The following SECISBP2L variants were observed in gnomAD, a reference collection of about 807,000 sequenced individuals.
SECISBP2L encodes selenocysteine insertion sequence-binding protein 2-like.
In SECISBP2L, 43 loss-of-function variants were observed where a neutral mutation model predicts 114.7. That is an observed-to-expected ratio of 0.38 (90% CI 0.29 to 0.48). The LOEUF is 0.48. Among genes scored for constraint, SECISBP2L ranks in the 20% least tolerant of loss-of-function variants. SECISBP2L has a pLI of 0.98. For synonymous variants in SECISBP2L, 451 were observed against 439.7 expected, an observed-to-expected ratio of 1.03 and a Z score of -0.32; for missense variants, 1,136 against 1,301.1, an observed-to-expected ratio of 0.87 and a Z score of 1.95.
At chr15:49,031,493 T>C (rs941178677) in intron 4 of SECISBP2L, among the ~76,000 whole-genome samples, 1 of 152,208 alleles carries the variant, frequency 6.6e-6, no homozygotes, top group Non-Finnish European at 1.5e-5. Context: ...TTGTATATTA[T>C]ATTAGATCCA....
At chr15:48,993,115 G>A (rs1380677469) in intron 17 of SECISBP2L, among the ~76,000 whole-genome samples, 189 bp from the exon 18 acceptor site, 6 of 151,338 alleles carry the variant, frequency 4.0e-5, no homozygotes, top group Non-Finnish European at 8.9e-5. Flanking sequence ...GTGTGTGTGT[G>A]TGTGTGTGTG....
intron 15 of SECISBP2L, 68 bp from the exon 16 acceptor site, chr15:49,000,055 G>T (rs1902170791): frequency 6.5e-7 from 1 of 1,537,100 alleles, no homozygotes; most frequent in African/African-American, 1.4e-5. Context: ...ACACCCGATA[G>T]CTAAAGCATA....
chr15:49,035,753 C>G (rs1366997108), intron 2 of SECISBP2L, 95 bp from the exon 3 acceptor site: 9 of 1,105,356 alleles, frequency 8.1e-6, no homozygotes, highest in Non-Finnish European at 1.2e-5. Flanking sequence ...AAAGACAAAA[C>G]AGAACAGTGG....
At position 48,990,498 on chromosome 15, in the gene SECISBP2L, T is replaced by TA. The variant is rs1901950315; in HGVS notation, c.*1745dup. 6.6e-6 allele frequency: 1 copy of TA among 152,556 alleles called. No individual in the cohort carries two copies. The highest frequency in any genetic ancestry group is 1.5e-5 in the Non-Finnish European group (1 of 68,030). The allele number at this position is 152,556 out of a possible 1,614,324, so 9.5% of individuals were successfully genotyped here. A position where few individuals can be genotyped will look rare whatever the true frequency, so the allele number is the denominator to read the frequency against. ...AGGAAGTCTATACTGGAGAACAGTT[T>TA]AGACAGGACAGTATAAGAATGTCCC... On this transcript the variant is annotated 3_prime_UTR_variant, in exon 18 of 18. Coordinates refer to ENST00000559471, the MANE Select transcript of SECISBP2L (RefSeq NM_001193489.2).
chr15:48,996,671 G>A, intron 16 of SECISBP2L, 85 bp from the exon 17 acceptor site: 1 of 1,202,966 alleles, frequency 8.3e-7, no homozygotes, highest in South Asian at 1.4e-5. Flanking sequence ...TCTACTGTTT[G>A]TTTCAGGGTC....
At chr15:49,031,499 A>C (rs2141081922) in intron 4 of SECISBP2L, among the ~76,000 whole-genome samples, 1 of 152,240 alleles carries the variant, frequency 6.6e-6, no homozygotes, top group African/African-American at 2.4e-5. Flanking sequence ...ATTATATTAG[A>C]TCCAGCTATC....
Position 49,009,222 on chromosome 15 carries a change from A to T in SECISBP2L, c.2021T>A (p.Phe674Tyr). 1 of 1,613,988 alleles carries T rather than the reference A, an allele frequency of 6.2e-7. No homozygotes were observed. The highest frequency in any genetic ancestry group is 8.5e-7 in the Non-Finnish European group (1 of 1,179,938). ...TAATGAGTATAAAACTTACTCTCTA[A>T]ATCTTTTGCTGTGGATTTTGGTTAT... Reference protein sequence around the residue: ...STITKIHSKRFREYCNQVLCK... With the variant: ...STITKIHSKRYREYCNQVLCK... The change falls in exon 14 of 18, where the codon TTT becomes TAT. Residue 674 changes from phenylalanine (F) to tyrosine (Y), a missense_variant. Around this residue, in one of 2 missense-constraint regions of SECISBP2L, gnomAD observed 684 missense variants for 848.7 expected, o/e 0.81. Transcript: ENST00000559471.
intron 7 of SECISBP2L, among the ~76,000 whole-genome samples, chr15:49,027,143 T>A (rs1669088946): frequency 6.6e-6 from 1 of 152,214 alleles, no homozygotes; most frequent in African/African-American, 2.4e-5. Context: ...AATATTTAAA[T>A]ATACAGAAAT....
chr15:48,998,462 TAACA>T (rs1310593164), intron 16 of SECISBP2L, among the ~76,000 whole-genome samples: 1 of 152,208 alleles, frequency 6.6e-6, no homozygotes, highest in Non-Finnish European at 1.5e-5. Context: ...TTTCAGTGTT[TAACA>T]AACCATGCAC....
intron 13 of SECISBP2L, 89 bp from the exon 14 acceptor site, chr15:49,009,467 T>G: frequency 4.6e-6 from 6 of 1,292,378 alleles, no homozygotes; most frequent in Non-Finnish European, 6.4e-6. Flanking sequence ...GAATGGCCAT[T>G]GTCTTTTGGG....
At chr15:49,002,240 G>A (rs559357500) in intron 14 of SECISBP2L, among the ~76,000 whole-genome samples, 10 of 152,242 alleles carry the variant, frequency 6.6e-5, no homozygotes, top group East Asian at 3.9e-4. Context: ...TTTCTTGACC[G>A]CATAAACGTC....
In SECISBP2L at chr15:48,991,841, C is replaced by G. The variant is rs1376298819; in HGVS notation, c.*403G>C. 5 of 155,168 alleles carry G rather than the reference C, an allele frequency of 3.2e-5. No individual in the cohort carries two copies. In the Admixed American group the frequency reaches 3.2e-4, roughly 10 times the overall value. The allele number at this position is 155,168 out of a possible 1,614,324, so 9.6% of individuals were successfully genotyped here. A position where few individuals can be genotyped will look rare whatever the true frequency, so the allele number is the denominator to read the frequency against. ...ACCCCCAGTTCTTTTTTAAAGAAGCCCAAACAATTTTTTGGTCAAATTAGA... is the reference window on the plus strand; with the variant it reads ...ACCCCCAGTTCTTTTTTAAAGAAGCGCAAACAATTTTTTGGTCAAATTAGA... On this transcript the variant is annotated 3_prime_UTR_variant, in exon 18 of 18. Transcript: ENST00000559471.
intron 6 of SECISBP2L, among the ~76,000 whole-genome samples, chr15:49,027,929 C>A (rs551680867): frequency 6.6e-6 from 1 of 152,258 alleles, no homozygotes; most frequent in African/African-American, 2.4e-5. Flanking sequence ...CTAAGCAGTA[C>A]TACAGCTCTT....
chr15:48,994,842 GAAA>G (rs34085482), intron 17 of SECISBP2L, among the ~76,000 whole-genome samples: 40,532 of 132,638 alleles, frequency 0.31, 5,951 homozygotes, highest in Non-Finnish European at 0.38. Flanking sequence ...AAGTGCTGGG[GAAA>G]AAAAAAAAAA....
At chr15:49,016,067 A>G (rs1004947105) in intron 11 of SECISBP2L, among the ~76,000 whole-genome samples, 1 of 152,252 alleles carries the variant, frequency 6.6e-6, no homozygotes, top group Non-Finnish European at 1.5e-5. Flanking sequence ...TAATAGGGTC[A>G]GCTAAAATAT....
intron 14 of SECISBP2L, among the ~76,000 whole-genome samples, chr15:49,008,011 G>A (rs1335877788): frequency 1.3e-5 from 2 of 152,162 alleles, no homozygotes; most frequent in East Asian, 3.8e-4. Context: ...AGTCAGAAGC[G>A]TGAGGCCACT....
Position 49,046,331 on chromosome 15 carries a change from T to C in SECISBP2L, c.-32A>G. ...TGCAGCCGCAACGGGCCCGCGCTAGTCGGTGTAAACAGCGCCTCGGGCCGC... is the reference window on the plus strand; with the variant it reads ...TGCAGCCGCAACGGGCCCGCGCTAGCCGGTGTAAACAGCGCCTCGGGCCGC... On this transcript the variant is annotated 5_prime_UTR_variant, in exon 1 of 18. Transcript: ENST00000559471. The C allele has an allele frequency of 6.5e-7, 1 of 1,528,636 alleles. No homozygotes were observed. Among genetic ancestry groups the C allele is most frequent in the Non-Finnish European group, 8.8e-7 (1 of 1,136,938 alleles). The allele number at this position is 1,528,636 out of a possible 1,614,324, so 94.7% of individuals were successfully genotyped here.
intron 4 of SECISBP2L, among the ~76,000 whole-genome samples, chr15:49,032,572 T>C (rs1902913929): frequency 6.6e-6 from 1 of 152,224 alleles, no homozygotes; most frequent in Admixed American, 6.5e-5. Flanking sequence ...TCCTAAGTTC[T>C]TTCTACAAAG....
intron 7 of SECISBP2L, among the ~76,000 whole-genome samples, chr15:49,025,301 G>A (rs1223560035): frequency 6.6e-6 from 1 of 152,120 alleles, no homozygotes; most frequent in Non-Finnish European, 1.5e-5. Flanking sequence ...TTCCTTATCT[G>A]AAATGCTTGG....
Sources: gnomAD v4.1 joint callset for allele counts (sites outside exome capture counted in the v4.1 genomes callset) on GRCh38, gnomAD v4.1.1 for gene constraint, gnomAD v4.1.1 regional missense constraint, MANE v1.5 for transcripts, NCBI Gene and HGNC (gene_info 2026-07-23, HGNC 2026-07-21) for gene names.